PRIMA1: variants seen among roughly 807,000 people sequenced by gnomAD.
The protein encoded by PRIMA1 is proline-rich membrane anchor 1.
PRIMA1 carries 7 observed loss-of-function variants against 17.5 expected under a neutral mutation model. The ratio of observed to expected loss-of-function variants is 0.40; its 90% CI spans 0.23 to 0.75. The LOEUF (loss-of-function observed/expected upper bound fraction) is 0.75, where lower values mean the gene tolerates loss of function less well. Ranked by LOEUF, PRIMA1 falls within the 30% of genes least tolerant of loss-of-function variation. The pLI, the probability that PRIMA1 is intolerant of heterozygous loss-of-function variation, is 0.37. For missense variants in PRIMA1, 200 were observed against 201.8 expected, an observed-to-expected ratio of 0.99 and a Z score of 0.05; for synonymous variants, 97 against 77.9, an observed-to-expected ratio of 1.25 and a Z score of -1.29.
At chr14:93,775,244 A>G (rs1447126160) in intron 3 of PRIMA1, among the ~76,000 whole-genome samples, 1 of 152,226 alleles carries the variant, frequency 6.6e-6, no homozygotes, top group Non-Finnish European at 1.5e-5. Context: ...GATGGCAGGA[A>G]GGGACACTCC....
At chr14:93,748,996 C>T (rs891018626) in intron 3 of PRIMA1, among the ~76,000 whole-genome samples, 4 of 152,110 alleles carry the variant, frequency 2.6e-5, no homozygotes, top group Non-Finnish European at 5.9e-5. Flanking sequence ...GAATTAATTA[C>T]GCTTCTGGTA....
In PRIMA1 at chr14:93,718,463, A is replaced by G. The variant is rs1279913310; in HGVS notation, c.*2981T>C. On this transcript the variant is annotated 3_prime_UTR_variant, in exon 5 of 5. Transcript: ENST00000393140. ...TGGATAAGACGGCATCAACTTGTAC[A>G]TTTGCCCATTGAGAGAACTCCCAGG... 6.6e-6 allele frequency: 1 copy of G among 152,564 alleles called. No individual in the cohort carries two copies. The allele number at this position is 152,564 out of a possible 1,614,324, so 9.5% of individuals were successfully genotyped here.
intron 3 of PRIMA1, among the ~76,000 whole-genome samples, chr14:93,755,122 A>G (rs1415137334): frequency 7.9e-5 from 12 of 151,892 alleles, no homozygotes; most frequent in Non-Finnish European, 1.8e-4. Context: ...TCAGTGGGGG[A>G]AAAAAACCCG....
chr14:93,769,607 A>T (rs1045421963), intron 3 of PRIMA1, among the ~76,000 whole-genome samples: 2 of 152,158 alleles, frequency 1.3e-5, no homozygotes, highest in African/African-American at 4.8e-5. Context: ...GGCATTCATG[A>T]GGTTTCATAA....
chr14:93,738,755 G>A (rs2076166666), intron 3 of PRIMA1, among the ~76,000 whole-genome samples: 1 of 152,204 alleles, frequency 6.6e-6, no homozygotes, highest in South Asian at 2.1e-4. Flanking sequence ...ACCAGTGGAA[G>A]CCGCACCTTC....
At chr14:93,767,425 G>A (rs1195740250) in intron 3 of PRIMA1, among the ~76,000 whole-genome samples, 2 of 152,186 alleles carry the variant, frequency 1.3e-5, no homozygotes, top group Admixed American at 1.3e-4. Flanking sequence ...AAAGGGATGG[G>A]AAGTTAGAGA....
chr14:93,771,985 C>A (rs1222725613), intron 3 of PRIMA1, among the ~76,000 whole-genome samples: 1 of 152,196 alleles, frequency 6.6e-6, no homozygotes, highest in African/African-American at 2.4e-5. Flanking sequence ...AGTAACTCAC[C>A]CTCTCTGAAC....
chr14:93,768,315 T>C (rs914449409), intron 3 of PRIMA1, among the ~76,000 whole-genome samples: 2 of 152,172 alleles, frequency 1.3e-5, no homozygotes, highest in Non-Finnish European at 2.9e-5. Context: ...TGCACTGTCC[T>C]CCCCACCTCT....
chr14:93,744,017 C>T lies in PRIMA1; in HGVS notation c.230-6647G>A, dbSNP rs536630305. Among the ~76,000 whole-genome samples the T allele has an allele frequency of 7.2e-5, 11 of 152,286 alleles. No homozygotes were observed. In the South Asian group the frequency reaches 8.3e-4, roughly 12 times the overall value. On this transcript the variant is annotated intron_variant, in intron 3 of 4. Coordinates refer to ENST00000393140, the MANE Select transcript of PRIMA1 (RefSeq NM_178013.4). ...TGTCTCACAAGGACAGTGTGGGGGC[C>T]GGAGCTTTGCTAAAGATTTGTGTGA...
At position 93,787,744 on chromosome 14, in the gene PRIMA1, G is replaced by A. The variant is rs910360543; in HGVS notation, c.-26C>T. The A allele has an allele frequency of 4.3e-5, 66 of 1,540,504 alleles. No homozygotes were observed. The highest frequency in any genetic ancestry group is 5.6e-5 in the Non-Finnish European group (64 of 1,146,172). ...CTCGGCCAGCGGCGCCCGCTCCTGG[G>A]GCGAACTGTCAGGAGAGCAAGGCTA... On this transcript the variant is annotated 5_prime_UTR_variant, in exon 2 of 5. Transcript: ENST00000393140.
At chr14:93,763,083 C>T (rs78070585) in intron 3 of PRIMA1, among the ~76,000 whole-genome samples, 7,024 of 152,290 alleles carry the variant, frequency 0.046, 407 homozygotes, top group African/African-American at 0.14. Context: ...GCTCACAGGG[C>T]GAGCATATCC....
intron 3 of PRIMA1, among the ~76,000 whole-genome samples, chr14:93,757,334 G>A (rs1023977763): frequency 3.9e-5 from 6 of 152,330 alleles, no homozygotes; most frequent in Non-Finnish European, 5.9e-5. Flanking sequence ...TCACACTCCC[G>A]CCGATCCGTT....
At chr14:93,780,177 G>A (rs1323065542) in intron 2 of PRIMA1, among the ~76,000 whole-genome samples, 2 of 152,094 alleles carry the variant, frequency 1.3e-5, no homozygotes, top group Non-Finnish European at 2.9e-5. Flanking sequence ...ACCCTGCTAC[G>A]CCCCTGACTC....
rs1049738499 is a variant in PRIMA1 at position 93,768,357 on chromosome 14, A to G, written c.229+10819T>C. 3.3e-5 allele frequency among the ~76,000 whole-genome samples: 5 copies of G among 152,252 alleles called. No individual in the cohort carries two copies. In the East Asian group the frequency reaches 9.7e-4, roughly 29 times the overall value. ...GCAACTCCCCCAGTCTTTTGGGTCT[A>G]AGTTCCATCACACCTCACCTGTTTC... On this transcript the variant is annotated intron_variant, in intron 3 of 4. Transcript: ENST00000393140.
chr14:93,741,127 A>G (rs1276242266), intron 3 of PRIMA1, among the ~76,000 whole-genome samples: 1 of 152,242 alleles, frequency 6.6e-6, no homozygotes, highest in Admixed American at 6.5e-5. Context: ...GCATTTTGTG[A>G]AACCTAGTGA....
At chr14:93,759,075 C>T (rs1383979038) in intron 3 of PRIMA1, among the ~76,000 whole-genome samples, 1 of 152,178 alleles carries the variant, frequency 6.6e-6, no homozygotes, top group East Asian at 1.9e-4. Context: ...CTGTCGCTTT[C>T]CATGATAGCA....
At chr14:93,727,401 G>A (rs2076085373) in intron 4 of PRIMA1, among the ~76,000 whole-genome samples, 1 of 152,172 alleles carries the variant, frequency 6.6e-6, no homozygotes, top group African/African-American at 2.4e-5. Flanking sequence ...AAAGGATTGC[G>A]GGCTCATGCA....
intron 4 of PRIMA1, 90 bp from the exon 5 acceptor site, chr14:93,721,636 CT>C (rs1222968774): frequency 1.3e-6 from 1 of 758,048 alleles, no homozygotes; most frequent in Non-Finnish European, 2.3e-6. Context: ...TAACCTCCAG[CT>C]AGCATCCCTG....
Position 93,734,349 on chromosome 14 carries a change from C to G in PRIMA1, c.359+2892G>C, listed in dbSNP as rs550554303. ...GGGTTTGGCCAGTGTGAGGCACCCA[C>G]GGGAAACCTAAGCATGGAGAGCTGC... is the stretch of plus-strand genomic sequence containing the variant. On this transcript the variant is annotated intron_variant, in intron 4 of 4. Transcript: ENST00000393140. Among the ~76,000 whole-genome samples the G allele has an allele frequency of 3.3e-5, 5 of 152,322 alleles. No individual in the cohort carries two copies. The South Asian group carries it at 8.3e-4, about 25-fold the overall frequency.
Sources: gnomAD v4.1 joint callset for allele counts (sites outside exome capture counted in the v4.1 genomes callset) on GRCh38, gnomAD v4.1.1 for gene constraint, MANE v1.5 for transcripts, NCBI Gene and HGNC (gene_info 2026-07-23, HGNC 2026-07-21) for gene names.